Variants in PLCL1 observed in about 807,000 individuals in gnomAD.
The protein encoded by PLCL1 is phospholipase C like 1 (inactive).
Under a neutral mutation model 84.4 loss-of-function variants are expected in PLCL1, and 41 were observed. That is an observed-to-expected ratio of 0.49 (90% CI 0.38 to 0.63). The LOEUF is 0.63. PLCL1 is among the 30% of genes least tolerant of loss of function. The pLI is 0.00. For missense variants in PLCL1, 1,206 were observed against 1,367.8 expected (o/e 0.88, Z 1.87); for synonymous variants, 490 against 488.3 (o/e 1.00, Z -0.05).
At chr2:197,848,383 C>T (rs1166017900) in intron 1 of PLCL1, among the ~76,000 whole-genome samples, 2 of 152,070 alleles carry the variant, frequency 1.3e-5, no homozygotes, top group East Asian at 1.9e-4. Flanking sequence ...AACGGGAGTA[C>T]GTCAGGATTA....
At chr2:197,933,287 G>A (rs1390733126) in intron 1 of PLCL1, among the ~76,000 whole-genome samples, 1 of 136,778 alleles carries the variant, frequency 7.3e-6, no homozygotes, top group Non-Finnish European at 1.5e-5. Context: ...TTTTTGAGAC[G>A]GAGTCTCTCT....
At chr2:198,096,442 T>C (rs1693195039) in intron 3 of PLCL1, among the ~76,000 whole-genome samples, 1 of 152,238 alleles carries the variant, frequency 6.6e-6, no homozygotes, top group African/African-American at 2.4e-5. Flanking sequence ...TAATTTTTCA[T>C]GCAGTCAAGA....
chr2:197,919,008 C>T (rs1171987751), intron 1 of PLCL1, among the ~76,000 whole-genome samples: 4 of 151,276 alleles, frequency 2.6e-5, no homozygotes, highest in East Asian at 3.9e-4. Context: ...AAAATAATGA[C>T]TCACATACAG....
At position 198,086,066 on chromosome 2, in the gene PLCL1, G is replaced by A. The variant is rs780231814; in HGVS notation, c.2549G>A (p.Arg850Gln). 6.2e-7 allele frequency: 1 copy of A among 1,613,894 alleles called. No homozygotes were observed. Among genetic ancestry groups the A allele is most frequent in the African/African-American group, 1.3e-5 (1 of 74,866 alleles). Residue 850 changes from arginine to glutamine, a missense_variant, in exon 2 of 6, where the codon CGA becomes CAA. Physicochemically the swap from Arg to Gln is conservative, Grantham distance 43. Transcript: ENST00000428675. ...TTTGTCCACATAGCAATAACTAATC[G>A]AAGTGGAGGAGGAAAGGCACAGAAG... ...TLFVHIAITN[R>Q]SGGGKAQKRS... is the part of the protein sequence containing the mutation.
At chr2:198,073,613 C>T (rs1174117503) in intron 1 of PLCL1, among the ~76,000 whole-genome samples, 2 of 152,180 alleles carry the variant, frequency 1.3e-5, no homozygotes, top group Non-Finnish European at 2.9e-5. Context: ...TGTGTTTGCA[C>T]ACAGCATTGG....
intron 1 of PLCL1, among the ~76,000 whole-genome samples, chr2:197,871,338 A>C (rs1335997197): frequency 6.6e-6 from 1 of 152,038 alleles, no homozygotes; most frequent in Non-Finnish European, 1.5e-5. Context: ...AATGAGGTTC[A>C]TAAGGGAAGG....
Position 198,055,365 on chromosome 2 carries a change from A to AAG in PLCL1, c.241-28371_241-28370dup, listed in dbSNP as rs3068250. On this transcript the variant is annotated intron_variant, in intron 1 of 5. Transcript: ENST00000428675. ...TGTGTCTGTGTATGAGAGAGAGAGA[A>AAG]AGAGAGAGAGAGAGAGAGAGAGAAA... 2.9e-3 allele frequency among the ~76,000 whole-genome samples: 368 copies of AAG among 128,832 alleles called. 2 individuals carry two copies. Among genetic ancestry groups the AAG allele is most frequent in the African/African-American group, 8.9e-3 (314 of 35,110 alleles). The allele number at this position is 128,832 out of a possible 152,430, so 84.5% of individuals were successfully genotyped here. A position where few individuals can be genotyped will look rare whatever the true frequency, so the allele number is the denominator to read the frequency against.
At position 198,098,361 on chromosome 2, in the gene PLCL1, A is replaced by G. The variant is rs114575550; in HGVS notation, c.2920-2924A>G. 1.8e-3 allele frequency among the ~76,000 whole-genome samples: 271 copies of G among 152,324 alleles called. 2 individuals are homozygous for G. The highest frequency in any genetic ancestry group is 6.3e-3 in the African/African-American group (262 of 41,578). Reference sequence around the variant, plus strand: ...ATGATTGATGCATGTTGTGAATTAGACTTGGAGGGAAAAGCAGTCATGGCA... The same window carrying G: ...ATGATTGATGCATGTTGTGAATTAGGCTTGGAGGGAAAAGCAGTCATGGCA... On this transcript the variant is annotated intron_variant, in intron 3 of 5. Coordinates refer to ENST00000428675, the MANE Select transcript of PLCL1 (RefSeq NM_006226.4).
intron 1 of PLCL1, among the ~76,000 whole-genome samples, chr2:198,007,559 A>T (rs557506880): frequency 6.6e-6 from 1 of 152,360 alleles, no homozygotes; most frequent in South Asian, 2.1e-4. Flanking sequence ...TCAGTGAAAC[A>T]GTGTAAAGAA....
At chr2:198,042,571 A>C (rs1020017143) in intron 1 of PLCL1, among the ~76,000 whole-genome samples, 7 of 152,164 alleles carry the variant, frequency 4.6e-5, no homozygotes, top group Non-Finnish European at 1.0e-4. Flanking sequence ...TGAAGGATAG[A>C]AGAAGCCAGA....
chr2:197,922,282 A>T (rs897546751), intron 1 of PLCL1, among the ~76,000 whole-genome samples: 1 of 89,374 alleles, frequency 1.1e-5, no homozygotes, highest in African/African-American at 4.0e-5. Context: ...TAATCCATTT[A>T]ACCCTGAGTG....
chr2:198,003,303 G>T (rs926260407), intron 1 of PLCL1, among the ~76,000 whole-genome samples: 1 of 152,088 alleles, frequency 6.6e-6, no homozygotes, highest in Non-Finnish European at 1.5e-5. Flanking sequence ...AGTCTTTATT[G>T]GTTGAACTAG....
At chr2:198,057,844 C>G (rs1372659679) in intron 1 of PLCL1, among the ~76,000 whole-genome samples, 2 of 152,184 alleles carry the variant, frequency 1.3e-5, no homozygotes, top group African/African-American at 2.4e-5. Context: ...GGAAGATACA[C>G]TTAGAGAAGT....
At chr2:197,964,688 T>C (rs1412578158) in intron 1 of PLCL1, among the ~76,000 whole-genome samples, 3 of 152,128 alleles carry the variant, frequency 2.0e-5, no homozygotes, top group South Asian at 2.1e-4. Context: ...GCTTTCAGTT[T>C]TTTTGCTGTT....
At chr2:197,959,675 A>G (rs188949244) in intron 1 of PLCL1, among the ~76,000 whole-genome samples, 172 of 152,160 alleles carry the variant, frequency 1.1e-3, no homozygotes, top group African/African-American at 3.9e-3. Context: ...GTTTAAAAAA[A>G]TTGTTTGAAT....
chr2:197,903,150 C>T lies in PLCL1; in HGVS notation c.240+97811C>T, dbSNP rs550799489. 2.2e-4 allele frequency among the ~76,000 whole-genome samples: 33 copies of T among 152,186 alleles called. 1 individual carries two copies. In the South Asian group the frequency reaches 5.4e-3, roughly 25 times the overall value. On this transcript the variant is annotated intron_variant, in intron 1 of 5. Transcript: ENST00000428675. ...GGCGAAACCACGATAATTCCCCAGC[C>T]CAAGGTTGGGAACCTTTCTTAAGGA... is the stretch of plus-strand genomic sequence containing the variant.
intron 1 of PLCL1, among the ~76,000 whole-genome samples, chr2:197,996,747 A>C (rs146258126): frequency 3.8e-4 from 58 of 152,318 alleles, no homozygotes; most frequent in African/African-American, 1.3e-3. Context: ...CCTCACAGAG[A>C]AATAATCAGC....
At chr2:197,810,949 T>C (rs1690574154) in intron 1 of PLCL1, among the ~76,000 whole-genome samples, 1 of 152,224 alleles carries the variant, frequency 6.6e-6, no homozygotes, top group Admixed American at 6.5e-5. Context: ...AGCCATTGGT[T>C]ATAAGAAGGA....
At chr2:197,933,731 G>A (rs1238673509) in intron 1 of PLCL1, among the ~76,000 whole-genome samples, 1 of 151,992 alleles carries the variant, frequency 6.6e-6, no homozygotes, top group African/African-American at 2.4e-5. Context: ...GTGGGAAGAA[G>A]GTTCTTGATG....
Sources: allele counts gnomAD v4.1 joint callset (sites outside exome capture counted in the v4.1 genomes callset), GRCh38; gene constraint gnomAD v4.1.1; transcripts MANE v1.5; gene names NCBI Gene and HGNC (gene_info 2026-07-23, HGNC 2026-07-21).